RFC3: variants seen among roughly 807,000 people sequenced by gnomAD.
RFC3 encodes the protein A1 38 kDa subunit.
RFC3 carries 41 observed loss-of-function variants against 45.1 expected under a neutral mutation model. The ratio of observed to expected loss-of-function variants is 0.91; its 90% CI spans 0.71 to 1.18. The LOEUF (loss-of-function observed/expected upper bound fraction) is 1.18, where lower values mean the gene tolerates loss of function less well. RFC3 is among the 50% of genes most tolerant of loss of function. RFC3 has a pLI of 0.00. For missense variants in RFC3, 423 were observed against 428.1 expected (o/e 0.99, Z 0.10); for synonymous variants, 149 against 144.0 (o/e 1.03, Z -0.25).
intron 8 of RFC3, among the ~76,000 whole-genome samples, chr13:33,946,775 T>A (rs947782009): frequency 6.6e-6 from 1 of 152,202 alleles, no homozygotes; most frequent in African/African-American, 2.4e-5. Flanking sequence ...TTTATAGATA[T>A]TATGGATATT....
At chr13:33,973,798 G>A in the RFC3 span, among the ~76,000 whole-genome samples, 4 of 151,966 alleles carry the variant, frequency 2.6e-5, no homozygotes, top group African/African-American at 9.7e-5. Flanking sequence ...TTACAGGAAT[G>A]CACCATCACG....
chr13:33,836,751 G>A lies in RFC3; in HGVS notation c.*456G>A, dbSNP rs2082158656. 1.7e-5 allele frequency: 17 copies of A among 984,662 alleles called. No homozygotes were observed. The highest frequency in any genetic ancestry group is 1.8e-5 in the Non-Finnish European group (15 of 829,098). The allele number at this position is 984,662 out of a possible 1,614,324, so 61.0% of individuals were successfully genotyped here. ...GAATAATTGTATTTTTGTAGGAAAT[G>A]TAAGATTTCATTCTGAAACATAATT... On this transcript the variant is annotated 3_prime_UTR_variant, in exon 9 of 9. Coordinates refer to ENST00000380071, the MANE Select transcript of RFC3 (RefSeq NM_002915.4).
chr13:33,917,008 AAT>A (rs2082737870), intron 8 of RFC3, among the ~76,000 whole-genome samples: 1 of 152,184 alleles, frequency 6.6e-6, no homozygotes, highest in Non-Finnish European at 1.5e-5. Flanking sequence ...AGACTTCAGA[AAT>A]ATTACTGTGC....
intron 8 of RFC3, among the ~76,000 whole-genome samples, chr13:33,929,262 A>G (rs1364636389): frequency 6.6e-6 from 1 of 152,128 alleles, no homozygotes; most frequent in Non-Finnish European, 1.5e-5. Context: ...GAATATTGCC[A>G]GAGTAGTTGA....
At chr13:33,915,861 C>T (rs1566026896) in intron 8 of RFC3, among the ~76,000 whole-genome samples, 2 of 152,000 alleles carry the variant, frequency 1.3e-5, no homozygotes, top group African/African-American at 2.4e-5. Flanking sequence ...TGCAGCGGTG[C>T]GATCTCGGCT....
At chr13:33,818,713 GC>G (rs1312670016) in intron 1 of RFC3, among the ~76,000 whole-genome samples, 1 of 152,176 alleles carries the variant, frequency 6.6e-6, no homozygotes, top group Admixed American at 6.5e-5. Context: ...AAGACGAGAA[GC>G]CGTTGGAGCA....
intron 8 of RFC3, among the ~76,000 whole-genome samples, chr13:33,845,011 A>AT (rs2082227089): frequency 1.3e-5 from 2 of 152,212 alleles, no homozygotes; most frequent in Non-Finnish European, 2.9e-5. Context: ...GGGAAAGTCT[A>AT]TATTTCTCCT....
chr13:33,884,632 C>T (rs781521804), intron 8 of RFC3, among the ~76,000 whole-genome samples: 34 of 152,284 alleles, frequency 2.2e-4, no homozygotes, highest in Middle Eastern at 3.4e-3. Context: ...ATCCAGAGCC[C>T]GCTCACCATG....
At chr13:33,964,124 C>T (rs986580557) in intron 8 of RFC3, among the ~76,000 whole-genome samples, 2 of 152,112 alleles carry the variant, frequency 1.3e-5, no homozygotes, top group African/African-American at 4.8e-5. Flanking sequence ...TGTCCATTAC[C>T]CTAGTTACTG....
chr13:33,968,862 T>C (rs1247630193), downstream of RFC3, among the ~76,000 whole-genome samples: 2 of 152,222 alleles, frequency 1.3e-5, no homozygotes, highest in African/African-American at 4.8e-5. Context: ...AACAAGGCTC[T>C]GAAGTTTTAT....
rs540557195 is a variant in RFC3 at position 33,818,602 on chromosome 13, G to T, written c.87+337G>T. 2.0e-5 allele frequency among the ~76,000 whole-genome samples: 3 copies of T among 152,382 alleles called. No homozygotes were observed. In the East Asian group the frequency reaches 5.8e-4, roughly 29 times the overall value. ...ACGGCATGTTCTAAGAACCTCAGGAGGCCGGCGTAGCCGATAGTGGTGAAC... is the reference window on the plus strand; with the variant it reads ...ACGGCATGTTCTAAGAACCTCAGGATGCCGGCGTAGCCGATAGTGGTGAAC... On this transcript the variant is annotated intron_variant, in intron 1 of 8. Transcript: ENST00000380071.
chr13:33,939,979 C>T (rs565769415), intron 8 of RFC3, among the ~76,000 whole-genome samples: 18 of 152,136 alleles, frequency 1.2e-4, no homozygotes, highest in African/African-American at 2.9e-4. Flanking sequence ...GATCCATCTT[C>T]GTAAAAGTTT....
At chr13:33,955,994 A>G (rs1468283254) in intron 8 of RFC3, among the ~76,000 whole-genome samples, 5 of 152,238 alleles carry the variant, frequency 3.3e-5, no homozygotes, top group Admixed American at 1.3e-4. Flanking sequence ...GCATTCTTCA[A>G]ATAGAAAAAA....
Position 33,964,169 on chromosome 13 carries a change from A to G in RFC3, c.880-1918A>G, listed in dbSNP as rs75176737. Among the ~76,000 whole-genome samples the G allele has an allele frequency of 9.1e-3, 1,391 of 152,320 alleles. 15 individuals carry two copies. Among genetic ancestry groups the G allele is most frequent in the African/African-American group, 0.031 (1,295 of 41,576 alleles). The stretch of plus-strand genomic sequence containing the variant: ...TACATAATGTGACAGATCATGAAAC[A>G]TGAACTAGTAAAATGTGTATTTATA... On this transcript the variant is annotated intron_variant, in intron 8 of 8. Coordinates refer to the RFC3 transcript ENST00000434425.
intron 8 of RFC3, among the ~76,000 whole-genome samples, chr13:33,905,800 AAAC>A (rs1281502278): frequency 6.6e-6 from 1 of 152,120 alleles, no homozygotes; most frequent in Non-Finnish European, 1.5e-5. Flanking sequence ...TAAAAAATAA[AAAC>A]AACAACAAAA....
intron 8 of RFC3, among the ~76,000 whole-genome samples, chr13:33,918,197 T>G (rs1256505243): frequency 6.6e-6 from 1 of 152,112 alleles, no homozygotes; most frequent in Non-Finnish European, 1.5e-5. Flanking sequence ...CAATACTTGC[T>G]CAAAAAAATA....
intron 8 of RFC3, among the ~76,000 whole-genome samples, chr13:33,856,337 AG>A (rs933971896): frequency 1.3e-5 from 2 of 152,156 alleles, no homozygotes; most frequent in African/African-American, 4.8e-5. Context: ...GCCCACCAGA[AG>A]GTGGAGGGTG....
intron 8 of RFC3, among the ~76,000 whole-genome samples, chr13:33,934,808 T>C (rs1442297655): frequency 4.6e-5 from 7 of 152,146 alleles, no homozygotes; most frequent in Non-Finnish European, 1.0e-4. Flanking sequence ...AAATGCAAGG[T>C]ATTCCCTTTC....
chr13:33,933,763 G>A (rs2082867778), intron 8 of RFC3, among the ~76,000 whole-genome samples: 1 of 151,708 alleles, frequency 6.6e-6, no homozygotes, highest in Non-Finnish European at 1.5e-5. Flanking sequence ...AAAATAATTT[G>A]TTTGCATTTA....
Sources: gnomAD v4.1 joint callset for allele counts (sites outside exome capture counted in the v4.1 genomes callset) on GRCh38, gnomAD v4.1.1 for gene constraint, MANE v1.5 for transcripts, NCBI Gene and HGNC (gene_info 2026-07-23, HGNC 2026-07-21) for gene names.